UACA: variants seen among roughly 807,000 people sequenced by gnomAD.
UACA encodes uveal autoantigen with coiled-coil domains and ankyrin repeats.
Under a neutral mutation model 160.5 loss-of-function variants are expected in UACA, and 112 were observed. The observed-to-expected ratio is 0.70, with a 90% CI of 0.60 to 0.82. The LOEUF is 0.82. Ranked by LOEUF, UACA falls within the 40% of genes least tolerant of loss-of-function variation. UACA has a pLI of 0.00. For synonymous variants in UACA, 557 were observed against 568.4 expected (o/e 0.98, Z 0.29); for missense variants, 1,574 against 1,614.6 (o/e 0.97, Z 0.43).
intron 15 of UACA, among the ~76,000 whole-genome samples, chr15:70,670,254 G>A (rs1167904941): frequency 6.6e-6 from 1 of 152,136 alleles, no homozygotes; most frequent in Non-Finnish European, 1.5e-5. Flanking sequence ...AGCCCCTAGA[G>A]AGCAGGTGCA....
intron 1 of UACA, among the ~76,000 whole-genome samples, chr15:70,757,376 T>G (rs1567002824): frequency 6.6e-6 from 1 of 152,202 alleles, no homozygotes; most frequent in East Asian, 1.9e-4. Flanking sequence ...TTTGAGACAT[T>G]AGTAGCCTCT....
chr15:70,776,319 G>A, the UACA span, among the ~76,000 whole-genome samples: 1 of 152,030 alleles, frequency 6.6e-6, no homozygotes, highest in Non-Finnish European at 1.5e-5. Flanking sequence ...CTAAGTGCCA[G>A]GCACTGTTTA....
At chr15:70,702,176 C>G in intron 1 of UACA, 3 of 1,216,420 alleles carry the variant, frequency 2.5e-6, no homozygotes, top group Non-Finnish European at 3.1e-6. Flanking sequence ...TACAGTAACT[C>G]TATCTATTTC....
intron 5 of UACA, among the ~76,000 whole-genome samples, chr15:70,689,706 T>A (rs1050595367): frequency 6.6e-6 from 1 of 152,092 alleles, no homozygotes; most frequent in Non-Finnish European, 1.5e-5. Flanking sequence ...AATGTAGGAA[T>A]ATCAGACTTA....
Position 70,666,741 on chromosome 15 carries a change from C to G in UACA, c.3943G>C (p.Glu1315Gln). ...GTACCTACCTTATTATCTTTTGCTTCTATTTGTTTAGCAGATTCTTGTATT... is the reference window on the plus strand; with the variant it reads ...GTACCTACCTTATTATCTTTTGCTTGTATTTGTTTAGCAGATTCTTGTATT... ...RRIQESAKQI[E>Q]AKDNKITELL... is the part of the protein sequence containing the mutation. Residue 1315 changes from glutamate (E) to glutamine (Q), a missense_variant, in exon 16 of 19, where the codon GAA becomes CAA. Physicochemically the swap from Glu to Gln is conservative, Grantham distance 29 (BLOSUM62 2). Transcript: ENST00000322954. The G allele has an allele frequency of 6.2e-7, 1 of 1,605,788 alleles. No homozygotes were observed. The highest frequency in any genetic ancestry group is 8.5e-7 in the Non-Finnish European group (1 of 1,177,492).
At chr15:70,753,211 A>G (rs2030199021) in intron 1 of UACA, among the ~76,000 whole-genome samples, 1 of 152,230 alleles carries the variant, frequency 6.6e-6, no homozygotes, top group South Asian at 2.1e-4. Context: ...CTAAAACAAG[A>G]AATGAACGCA....
intron 7 of UACA, among the ~76,000 whole-genome samples, chr15:70,686,574 G>A (rs928606329): frequency 1.4e-5 from 2 of 146,684 alleles, no homozygotes; most frequent in East Asian, 4.0e-4. Context: ...CATGCATCAT[G>A]CTGGTGTGCT....
chr15:70,685,710 T>A (rs1417165706), intron 7 of UACA, among the ~76,000 whole-genome samples: 2 of 152,170 alleles, frequency 1.3e-5, no homozygotes, highest in Non-Finnish European at 2.9e-5. Context: ...TTGAAAAATG[T>A]GAGAGCTATA....
intron 1 of UACA, among the ~76,000 whole-genome samples, chr15:70,743,733 G>C (rs866633563): frequency 6.6e-6 from 1 of 152,142 alleles, no homozygotes; most frequent in East Asian, 1.9e-4. Context: ...CCCAGTAAGA[G>C]GCTGAACATC....
intron 1 of UACA, among the ~76,000 whole-genome samples, chr15:70,723,056 T>C (rs997418892): frequency 6.6e-6 from 1 of 152,234 alleles, no homozygotes; most frequent in African/African-American, 2.4e-5. Context: ...ATTTGTTTGC[T>C]AGTTTACCTT....
At chr15:70,773,957 G>A in the UACA span, among the ~76,000 whole-genome samples, 3 of 152,162 alleles carry the variant, frequency 2.0e-5, no homozygotes, top group East Asian at 5.8e-4. Flanking sequence ...CCATCAAATA[G>A]TAACTGCTTA....
chr15:70,748,485 A>T (rs1198272094), intron 1 of UACA, among the ~76,000 whole-genome samples: 1 of 152,178 alleles, frequency 6.6e-6, no homozygotes, highest in Non-Finnish European at 1.5e-5. Flanking sequence ...AAAAGGAATA[A>T]AAGCCCAACA....
chr15:70,712,328 C>A (rs139371984), intron 1 of UACA, among the ~76,000 whole-genome samples: 5 of 152,250 alleles, frequency 3.3e-5, no homozygotes, highest in Non-Finnish European at 7.4e-5. Flanking sequence ...ATCTGCTCAT[C>A]TCCATGTCCA....
At chr15:70,701,286 G>C (rs1352061548) in intron 1 of UACA, among the ~76,000 whole-genome samples, 1 of 152,048 alleles carries the variant, frequency 6.6e-6, no homozygotes, top group Non-Finnish European at 1.5e-5. Context: ...TACATTTTAC[G>C]CATCACCTTT....
intron 2 of UACA, among the ~76,000 whole-genome samples, chr15:70,696,471 C>A (rs1241005242): frequency 6.6e-6 from 1 of 152,122 alleles, no homozygotes; most frequent in Non-Finnish European, 1.5e-5. Flanking sequence ...CTTACAAATT[C>A]GTTTCCAGAT....
intron 1 of UACA, among the ~76,000 whole-genome samples, chr15:70,704,405 G>A (rs143855741): frequency 6.6e-6 from 1 of 152,232 alleles, no homozygotes; most frequent in Non-Finnish European, 1.5e-5. Context: ...TACTGCTCAT[G>A]GTCGATAAAA....
chr15:70,763,498 G>C lies in UACA; in HGVS notation c.-91C>G, dbSNP rs1284511156. 6.4e-6 allele frequency: 8 copies of C among 1,258,190 alleles called. No individual in the cohort carries two copies. The African/African-American group carries it at 1.1e-4, about 17-fold the overall frequency. 77.9% of individuals were successfully genotyped at this position (1,258,190 alleles called of 1,614,324 possible). On this transcript the variant is annotated 5_prime_UTR_variant, in exon 1 of 19. Coordinates refer to ENST00000322954, the MANE Select transcript of UACA (RefSeq NM_018003.4). Reference sequence around the variant, plus strand: ...GACGGCAGCGGCTGCAGCAGAGGCGGCGCGGGCTGTACCAGCCCCACCTGC... The same window carrying C: ...GACGGCAGCGGCTGCAGCAGAGGCGCCGCGGGCTGTACCAGCCCCACCTGC...
rs188965537 is a variant in UACA at position 70,704,377 on chromosome 15, A to T, written c.79-4717T>A. Among the ~76,000 whole-genome samples, 125 of 152,322 alleles carry T rather than the reference A, an allele frequency of 8.2e-4. 1 individual carries two copies. The highest frequency in any genetic ancestry group is 1.6e-3 in the Non-Finnish European group (109 of 68,018). ...GCCCATGAGTGGTTCAGCTGATTGCAACTGAGCAAACAGATCCTACTGCTC... is the reference window on the plus strand; with the variant it reads ...GCCCATGAGTGGTTCAGCTGATTGCTACTGAGCAAACAGATCCTACTGCTC... On this transcript the variant is annotated intron_variant, in intron 1 of 18. Transcript: ENST00000322954.
rs150815929 is a variant in UACA at position 70,726,013 on chromosome 15, T to C, written c.79-26353A>G. On this transcript the variant is annotated intron_variant, in intron 1 of 18. Transcript: ENST00000322954. ...AATATAATGTATCCAAATAAATAAA[T>C]AAATAAAAATGGGATGACTTTAAAC... Among the ~76,000 whole-genome samples the C allele has an allele frequency of 3.1e-4, 47 of 152,112 alleles. 1 individual carries two copies. Among genetic ancestry groups the C allele is most frequent in the African/African-American group, 1.1e-3 (46 of 41,516 alleles).
Sources: allele counts gnomAD v4.1 joint callset (sites outside exome capture counted in the v4.1 genomes callset), GRCh38; gene constraint gnomAD v4.1.1; transcripts MANE v1.5; gene names NCBI Gene and HGNC (gene_info 2026-07-23, HGNC 2026-07-21).